The following CACNA1C variants were observed in gnomAD, a reference collection of about 807,000 sequenced individuals.
CACNA1C encodes the protein calcium voltage-gated channel subunit alpha1 C.
A neutral mutation model predicts 229.0 loss-of-function variants in CACNA1C; 30 were observed. That is an observed-to-expected ratio of 0.13 (90% CI 0.10 to 0.18). The LOEUF (loss-of-function observed/expected upper bound fraction) is 0.18. Among genes scored for constraint, CACNA1C ranks in the 10% least tolerant of loss-of-function variants. The pLI is 1.00. For synonymous variants in CACNA1C, 1,114 were observed against 1,132.5 expected, an observed-to-expected ratio of 0.98 and a Z score of 0.33; for missense variants, 1,658 against 2,845.0, an observed-to-expected ratio of 0.58 and a Z score of 9.49.
At chr12:2,437,848 G>GATGGTGGTGGTA (rs1555572857) in intron 3 of CACNA1C, among the ~76,000 whole-genome samples, 2 of 93,902 alleles carry the variant, frequency 2.1e-5, no homozygotes, top group African/African-American at 2.7e-5. Context: ...TGATGGTGGT[G>GATGGTGGTGGTA]ATGATGGTGG....
intron 1 of CACNA1C, among the ~76,000 whole-genome samples, chr12:2,073,005 T>C (rs2154525068): frequency 6.6e-6 from 1 of 152,228 alleles, no homozygotes; most frequent in South Asian, 2.1e-4. Flanking sequence ...GCATCTGCTG[T>C]GCTAGAGCGG....
chr12:2,360,516 A>G (rs12308934), intron 3 of CACNA1C, among the ~76,000 whole-genome samples: 21,281 of 152,234 alleles, frequency 0.14, 2,847 homozygotes, highest in African/African-American at 0.35. Context: ...GGACTTCACC[A>G]GCAGTCACTG....
chr12:2,211,390 A>C (rs1050417023), intron 3 of CACNA1C, among the ~76,000 whole-genome samples: 3 of 152,176 alleles, frequency 2.0e-5, no homozygotes, highest in Admixed American at 6.5e-5. Context: ...GGGGTGTCTC[A>C]TGTTGGTAGA....
At chr12:1,976,108 T>G (rs531385071) in intron 1 of CACNA1C, among the ~76,000 whole-genome samples, 1 of 152,234 alleles carries the variant, frequency 6.6e-6, no homozygotes, top group African/African-American at 2.4e-5. Flanking sequence ...ATAGTTTTCT[T>G]TAGAGTTTAG....
At chr12:2,154,581 T>A (rs1409777244) in intron 3 of CACNA1C, among the ~76,000 whole-genome samples, 2 of 152,124 alleles carry the variant, frequency 1.3e-5, no homozygotes, top group African/African-American at 2.4e-5. Context: ...TGTTTGCAGC[T>A]ACAACTCCAA....
At chr12:2,127,163 A>C (rs1188882644) in intron 3 of CACNA1C, among the ~76,000 whole-genome samples, 1 of 152,114 alleles carries the variant, frequency 6.6e-6, no homozygotes, top group Non-Finnish European at 1.5e-5. Context: ...TCTGCTCAGG[A>C]GGTGCCTGTC....
At chr12:2,165,724 CAT>C (rs1295285942) in intron 3 of CACNA1C, among the ~76,000 whole-genome samples, 2 of 151,614 alleles carry the variant, frequency 1.3e-5, no homozygotes, top group African/African-American at 4.9e-5. Flanking sequence ...GGACAGAGTC[CAT>C]ATGTGTGTGT....
At chr12:2,198,641 T>G (rs762951015) in intron 3 of CACNA1C, among the ~76,000 whole-genome samples, 5 of 152,144 alleles carry the variant, frequency 3.3e-5, no homozygotes, top group African/African-American at 4.8e-5. Flanking sequence ...TTTATTTTCT[T>G]CTCTGTGGCT....
rs373413778 is a variant in CACNA1C at position 2,267,335 on chromosome 12, G to T, written c.477+146905G>T. The stretch of plus-strand genomic sequence containing the variant: ...ATAATTATTCTCCCCAGTTAAAAAT[G>T]ACTAAACTGAGGTCAGGAGAGGTTA... On this transcript the variant is annotated intron_variant, in intron 3 of 46. Transcript: ENST00000399655. 7.9e-4 allele frequency among the ~76,000 whole-genome samples: 120 copies of T among 152,258 alleles called. 1 individual carries two copies. Among genetic ancestry groups the T allele is most frequent in the African/African-American group, 2.9e-3 (119 of 41,562 alleles).
rs1388985790 is a variant in CACNA1C, at chr12:2,677,158, C to T, written c.4893C>T (p.Phe1631=). 3.1e-6 allele frequency: 5 copies of T among 1,613,766 alleles called. No individual in the cohort carries two copies. Among genetic ancestry groups the T allele is most frequent in the Non-Finnish European group, 4.2e-6 (5 of 1,179,816 alleles). The change falls in exon 40 of 47, where the codon TTC becomes TTT. Residue 1631 remains phenylalanine, a synonymous_variant. Coordinates refer to ENST00000399655, the MANE Select transcript of CACNA1C (RefSeq NM_000719.7). The surrounding 1 kb of genome is among the most constrained non-coding windows in gnomAD (Gnocchi z 7.4). The part of the protein sequence containing the change: ...TFLIQEYFRK[F]KKRKEQGLVG... Reference sequence around the variant, plus strand: ...TGATCCAGGAGTACTTCCGGAAGTTCAAGAAGCGCAAAGAGCAGGGCCTTG... The same window carrying T: ...TGATCCAGGAGTACTTCCGGAAGTTTAAGAAGCGCAAAGAGCAGGGCCTTG...
chr12:2,500,720 C>A (rs952188699), intron 7 of CACNA1C, among the ~76,000 whole-genome samples: 3 of 152,192 alleles, frequency 2.0e-5, no homozygotes, highest in African/African-American at 4.8e-5. Context: ...GCACACGGGG[C>A]AAGCTCCTTT....
intron 1 of CACNA1C, among the ~76,000 whole-genome samples, chr12:1,994,437 T>C (rs999163161): frequency 3.9e-5 from 6 of 152,246 alleles, no homozygotes; most frequent in African/African-American, 1.4e-4. Context: ...AAACCTCCAA[T>C]TTTAAAATTG....
intron 29 of CACNA1C, among the ~76,000 whole-genome samples, chr12:2,625,816 G>T (rs951920886): frequency 1.3e-5 from 2 of 151,852 alleles, no homozygotes; most frequent in Non-Finnish European, 2.9e-5. Flanking sequence ...AAATTAGACA[G>T]ATATAGTGGC....
At chr12:2,291,515 A>G (rs1223420722) in intron 3 of CACNA1C, among the ~76,000 whole-genome samples, 1 of 152,178 alleles carries the variant, frequency 6.6e-6, no homozygotes, top group Non-Finnish European at 1.5e-5. Flanking sequence ...TCAAATTGAG[A>G]TGTTTGTAAA....
chr12:2,118,104 C>T (rs2084831026), intron 2 of CACNA1C, among the ~76,000 whole-genome samples: 1 of 152,246 alleles, frequency 6.6e-6, no homozygotes, highest in South Asian at 2.1e-4. Context: ...ACATGATCTT[C>T]TCTGGCATTA....
At chr12:2,200,493 CCCA>C (rs1480509724) in intron 3 of CACNA1C, among the ~76,000 whole-genome samples, 1 of 152,018 alleles carries the variant, frequency 6.6e-6, no homozygotes, top group Non-Finnish European at 1.5e-5. Context: ...ACAGGACAGC[CCCA>C]CAACAAAGAA....
chr12:2,281,932 G>A (rs2091402357), intron 3 of CACNA1C, among the ~76,000 whole-genome samples: 1 of 151,890 alleles, frequency 6.6e-6, no homozygotes, highest in Admixed American at 6.6e-5. Context: ...GCTTGACATT[G>A]TCGAACAGAT....
chr12:2,662,352 T>G (rs2153697623), intron 34 of CACNA1C, among the ~76,000 whole-genome samples: 1 of 151,206 alleles, frequency 6.6e-6, no homozygotes, highest in African/African-American at 2.4e-5. Flanking sequence ...ACAAGAAAAA[T>G]TACAGAAAAT....
chr12:2,223,876 T>C (rs1274871366), intron 3 of CACNA1C, among the ~76,000 whole-genome samples: 1 of 152,194 alleles, frequency 6.6e-6, no homozygotes, highest in Non-Finnish European at 1.5e-5. Flanking sequence ...TAAATAATTA[T>C]TGAGTAAATG....
Sources: gnomAD v4.1 joint callset for allele counts (sites outside exome capture counted in the v4.1 genomes callset) on GRCh38, gnomAD v4.1.1 for gene constraint, Gnocchi (gnomAD v3.1) non-coding constraint, MANE v1.5 for transcripts, NCBI Gene and HGNC (gene_info 2026-07-23, HGNC 2026-07-21) for gene names.